Variants in SLC14A1 observed in about 807,000 individuals in gnomAD.
SLC14A1 encodes the protein solute carrier family 14 member 1 (Kidd blood group).
SLC14A1 carries 36 observed loss-of-function variants against 39.6 expected under a neutral mutation model. The observed-to-expected ratio is 0.91, with a 90% CI of 0.70 to 1.20. The LOEUF (loss-of-function observed/expected upper bound fraction) is 1.20. Ranked by LOEUF, SLC14A1 falls within the 50% of genes most tolerant of loss-of-function variation. The pLI is 0.00. For synonymous variants in SLC14A1, 164 were observed against 173.6 expected (o/e 0.94, Z 0.43); for missense variants, 469 against 478.7 (o/e 0.98, Z 0.19).
chr18:45,727,581 T>G (rs1269397187), intron 2 of SLC14A1, among the ~76,000 whole-genome samples: 1 of 152,186 alleles, frequency 6.6e-6, no homozygotes, highest in Admixed American at 6.5e-5. Flanking sequence ...TCACCTTGGT[T>G]TAGAGGCTAG....
intron 2 of SLC14A1, among the ~76,000 whole-genome samples, chr18:45,725,750 C>T (rs1051308146): frequency 2.0e-5 from 3 of 152,214 alleles, no homozygotes; most frequent in African/African-American, 4.8e-5. Context: ...CTGCCACGTA[C>T]TGAGTGAATC....
At chr18:45,739,896 A>G in intron 8 of SLC14A1, 1 of 580,662 alleles carries the variant, frequency 1.7e-6, no homozygotes. Context: ...TCATATTAAT[A>G]TCCTAAAACA....
rs1300523061 is a variant in SLC14A1, at chr18:45,731,174, C to T, written c.311C>T (p.Thr104Ile). Residue 104 changes from threonine to isoleucine, a missense_variant, in exon 4 of 10, where the codon ACT becomes ATT. Physicochemically the swap from Thr to Ile is moderately conservative, Grantham distance 89. Coordinates refer to ENST00000321925, the MANE Select transcript of SLC14A1 (RefSeq NM_015865.7). ...LTGWLGTVVS[T>I]LMALLLSQDR... ...GGCTGGCTGGGAACAGTGGTCTCCACTCTGATGGCCCTCTTGCTCAGCCAG... is the reference window on the plus strand; with the variant it reads ...GGCTGGCTGGGAACAGTGGTCTCCATTCTGATGGCCCTCTTGCTCAGCCAG... 1.9e-6 allele frequency: 3 copies of T among 1,613,990 alleles called. No homozygotes were observed. The highest frequency in any genetic ancestry group is 2.2e-5 in the South Asian group (2 of 91,070).
chr18:45,749,688 G>A (rs1264609741), intron 9 of SLC14A1, 90 bp from the exon 10 acceptor site: 5 of 1,470,400 alleles, frequency 3.4e-6, no homozygotes, highest in Non-Finnish European at 4.8e-6. Flanking sequence ...TCATCCCCCT[G>A]GGCTGAATGC....
At chr18:45,745,713 A>G (rs1312251806) in intron 8 of SLC14A1, among the ~76,000 whole-genome samples, 1 of 152,252 alleles carries the variant, frequency 6.6e-6, no homozygotes, top group Non-Finnish European at 1.5e-5. Context: ...AGTGGATGCC[A>G]ACTTCATCTC....
chr18:45,739,359 G>T, intron 7 of SLC14A1, 49 bp downstream of exon 7: 2 of 1,613,284 alleles, frequency 1.2e-6, no homozygotes, highest in African/African-American at 2.7e-5. Flanking sequence ...TCCATCCCAT[G>T]CATTGCCTCA....
At chr18:45,728,047 G>A (rs1440911721) in intron 2 of SLC14A1, among the ~76,000 whole-genome samples, 1 of 152,136 alleles carries the variant, frequency 6.6e-6, no homozygotes, top group Non-Finnish European at 1.5e-5. Flanking sequence ...CTCTCTGCAG[G>A]ACATCCTAGC....
chr18:45,750,200 A>G lies in SLC14A1; in HGVS notation c.*249A>G. The G allele has an allele frequency of 7.1e-7, 1 of 1,406,314 alleles. No homozygotes were observed. The allele number at this position is 1,406,314 out of a possible 1,614,324, so 87.1% of individuals were successfully genotyped here. A position where few individuals can be genotyped will look rare whatever the true frequency, so the allele number is the denominator to read the frequency against. On this transcript the variant is annotated 3_prime_UTR_variant, in exon 10 of 10. Transcript: ENST00000321925. ...AAACCCCAATGGGGCCTTGGCACTA[A>G]GACTGGAATGTATATAAAGTCAAAG... is the stretch of plus-strand genomic sequence containing the variant.
chr18:45,745,831 G>C (rs1240997468), intron 8 of SLC14A1, among the ~76,000 whole-genome samples: 2 of 152,142 alleles, frequency 1.3e-5, no homozygotes, highest in African/African-American at 4.8e-5. Context: ...GGATTTTTGA[G>C]ACAGATCTCC....
intron 8 of SLC14A1, among the ~76,000 whole-genome samples, chr18:45,745,393 C>A (rs1211737300): frequency 6.6e-6 from 1 of 152,136 alleles, no homozygotes; most frequent in Non-Finnish European, 1.5e-5. Context: ...GAGATGGAAG[C>A]CCAGGTTGGA....
chr18:45,752,014 T>G lies in SLC14A1; in HGVS notation c.*2063T>G. ...ACAAATATTTTAGGGAGAAGCTCAC[T>G]TCTTCCTTTTCTCAGGAAACCAAGC... On this transcript the variant is annotated 3_prime_UTR_variant, in exon 10 of 10. Coordinates refer to ENST00000321925, the MANE Select transcript of SLC14A1 (RefSeq NM_015865.7). 1 of 985,370 alleles carries G rather than the reference T, an allele frequency of 1.0e-6. No individual in the cohort carries two copies. The highest frequency in any genetic ancestry group is 1.2e-6 in the Non-Finnish European group (1 of 829,892). The allele number at this position is 985,370 out of a possible 1,614,324, so 61.0% of individuals were successfully genotyped here.
At chr18:45,745,117 C>T (rs1432457798) in intron 8 of SLC14A1, among the ~76,000 whole-genome samples, 1 of 152,168 alleles carries the variant, frequency 6.6e-6, no homozygotes, top group Non-Finnish European at 1.5e-5. Context: ...GTAGCACGCG[C>T]CTATAGTCCC....
intron 8 of SLC14A1, 149 bp downstream of exon 8, chr18:45,739,811 A>C (rs1205798462): frequency 1.1e-6 from 1 of 933,616 alleles, no homozygotes; most frequent in East Asian, 2.5e-5. Context: ...AGGACAAGTG[A>C]CGTCCCCTCT....
chr18:45,741,756 G>T (rs1476046811), intron 8 of SLC14A1, among the ~76,000 whole-genome samples: 1 of 152,230 alleles, frequency 6.6e-6, no homozygotes, highest in Admixed American at 6.5e-5. Flanking sequence ...AGCTGGGTTG[G>T]AATGTTTATC....
chr18:45,745,340 C>T (rs377407543), intron 8 of SLC14A1, among the ~76,000 whole-genome samples: 15 of 152,280 alleles, frequency 9.9e-5, no homozygotes, highest in Admixed American at 5.2e-4. Context: ...TGGGAGCTCA[C>T]GTTTCCCTCG....
rs191147745 is a variant in SLC14A1, at chr18:45,752,028, A to G, written c.*2077A>G. On this transcript the variant is annotated 3_prime_UTR_variant, in exon 10 of 10. Coordinates refer to ENST00000321925, the MANE Select transcript of SLC14A1 (RefSeq NM_015865.7). ...GAGAAGCTCACTTCTTCCTTTTCTC[A>G]GGAAACCAAGCAAGCAAACATATCG... The G allele has an allele frequency of 5.0e-3, 4,902 of 985,394 alleles. 17 individuals carry two copies. The highest frequency in any genetic ancestry group is 5.6e-3 in the Non-Finnish European group (4,648 of 829,902). 61.0% of individuals were successfully genotyped at this position (985,394 alleles called of 1,614,324 possible). A position where few individuals can be genotyped will look rare whatever the true frequency, so the allele number is the denominator to read the frequency against.
At chr18:45,732,766 G>A (rs1321496071) in intron 4 of SLC14A1, among the ~76,000 whole-genome samples, 2 of 152,158 alleles carry the variant, frequency 1.3e-5, no homozygotes, top group Non-Finnish European at 2.9e-5. Context: ...CAGGCCCTTG[G>A]GAAGTGGATC....
At position 45,734,284 on chromosome 18, in the gene SLC14A1, G is replaced by A. The variant is rs778632720; in HGVS notation, c.352G>A (p.Ala118Thr). The change falls in exon 5 of 10, where the codon GCA (alanine) becomes ACA (threonine). Residue 118 changes from alanine (A) to threonine (T), a missense_variant. By Grantham distance (58) the Ala-to-Thr change is moderately conservative. Transcript: ENST00000321925. ...LLLSQDRSLI[A>T]SGLYGYNATL... ...TCTCTTGCCCCACAGGTCATTAATA[G>A]CATCTGGGCTCTATGGCTACAATGC... 7.4e-6 allele frequency: 12 copies of A among 1,613,944 alleles called. No homozygotes were observed. In the East Asian group the frequency reaches 2.5e-4, roughly 33 times the overall value.
intron 8 of SLC14A1, among the ~76,000 whole-genome samples, chr18:45,748,060 T>C (rs916061546): frequency 1.3e-5 from 2 of 152,166 alleles, no homozygotes; most frequent in African/African-American, 4.8e-5. Flanking sequence ...ATAGTAACCA[T>C]AAAAAAACTA....
Sources: gnomAD v4.1 joint callset for allele counts (sites outside exome capture counted in the v4.1 genomes callset) on GRCh38, gnomAD v4.1.1 for gene constraint, MANE v1.5 for transcripts, NCBI Gene and HGNC (gene_info 2026-07-23, HGNC 2026-07-21) for gene names.